Variants in PTPRN2 observed in about 807,000 individuals in gnomAD.
The protein encoded by PTPRN2 is receptor-type tyrosine-protein phosphatase N2.
In PTPRN2, 74 loss-of-function variants were observed where a neutral mutation model predicts 118.8. The observed-to-expected ratio is 0.62, with a 90% CI of 0.52 to 0.76. The LOEUF is 0.76. Among genes scored for constraint, PTPRN2 ranks in the 30% least tolerant of loss-of-function variants. PTPRN2 has a pLI of 0.00. For missense variants in PTPRN2, 1,481 were observed against 1,394.4 expected, an observed-to-expected ratio of 1.06 and a Z score of -0.99; for synonymous variants, 641 against 608.0, an observed-to-expected ratio of 1.05 and a Z score of -0.80.
chr7:157,656,289 G>C, intron 14 of PTPRN2, 68 bp downstream of exon 14: 1 of 1,439,266 alleles, frequency 6.9e-7, no homozygotes, highest in Non-Finnish European at 9.4e-7. Flanking sequence ...CAGATGCTGG[G>C]TGTTGCAGGG....
chr7:157,888,561 A>G (rs1000555920), intron 12 of PTPRN2, among the ~76,000 whole-genome samples: 1 of 30,158 alleles, frequency 3.3e-5, no homozygotes, highest in African/African-American at 1.4e-4. Context: ...CCCACCCCCC[A>G]ACATCCAATG....
At chr7:158,284,213 C>T (rs1460256555) in intron 3 of PTPRN2, among the ~76,000 whole-genome samples, 2 of 152,188 alleles carry the variant, frequency 1.3e-5, no homozygotes, top group African/African-American at 2.4e-5. Flanking sequence ...GTATTGGCAG[C>T]GTCCTACATT....
At chr7:157,924,341 G>A (rs1284984639) in intron 11 of PTPRN2, among the ~76,000 whole-genome samples, 1 of 152,170 alleles carries the variant, frequency 6.6e-6, no homozygotes, top group Non-Finnish European at 1.5e-5. Flanking sequence ...AGCTGAGGAC[G>A]CCCCCTCTGA....
chr7:157,724,784 G>C (rs1413067949), intron 12 of PTPRN2, among the ~76,000 whole-genome samples: 1 of 152,218 alleles, frequency 6.6e-6, no homozygotes, highest in Non-Finnish European at 1.5e-5. Context: ...TCACACCACT[G>C]TAAAGTGAGA....
In PTPRN2 at chr7:158,570,580, C is replaced by A. The variant is rs2092331823; in HGVS notation, c.112+16978G>T. ...GCCTCTCCCTGTGTCCTCCGTGCCC[C>A]CCGAGTGGCCTGCTAGCCCGCTCTC... On this transcript the variant is annotated intron_variant, in intron 1 of 22. Coordinates refer to ENST00000389418, the MANE Select transcript of PTPRN2 (RefSeq NM_002847.5). The surrounding 1 kb of genome is among the most constrained non-coding windows in gnomAD (Gnocchi z 4.5). 6.6e-6 allele frequency among the ~76,000 whole-genome samples: 1 copy of A among 152,196 alleles called. No homozygotes were observed. The highest frequency in any genetic ancestry group is 1.5e-5 in the Non-Finnish European group (1 of 68,032).
intron 1 of PTPRN2, among the ~76,000 whole-genome samples, chr7:158,528,907 C>T (rs999651402): frequency 6.6e-6 from 1 of 152,066 alleles, no homozygotes; most frequent in Non-Finnish European, 1.5e-5. Flanking sequence ...GAAGACACAA[C>T]ATTTCCTACA....
chr7:158,334,731 T>A (rs1805258769), intron 2 of PTPRN2, among the ~76,000 whole-genome samples: 1 of 31,786 alleles, frequency 3.1e-5, no homozygotes, highest in Non-Finnish European at 6.6e-5. Context: ...ACACCCACAC[T>A]CTCACCATAA....
Position 158,239,213 on chromosome 7 carries a change from C to T in PTPRN2, c.278-33940G>A, listed in dbSNP as rs186693733. 7.4e-4 allele frequency among the ~76,000 whole-genome samples: 113 copies of T among 152,324 alleles called. 1 individual carries two copies. Among genetic ancestry groups the T allele is most frequent in the African/African-American group, 2.3e-3 (97 of 41,580 alleles). On this transcript the variant is annotated intron_variant, in intron 3 of 22. Transcript: ENST00000389418. ...AAACAGCAGGATGGTGCAGAAACCTCAGGAGGGTAAAACCCGTCAGCTATT... is the reference window on the plus strand; with the variant it reads ...AAACAGCAGGATGGTGCAGAAACCTTAGGAGGGTAAAACCCGTCAGCTATT...
At chr7:157,626,552 C>G (rs185687398) in intron 14 of PTPRN2, among the ~76,000 whole-genome samples, 19 of 152,230 alleles carry the variant, frequency 1.2e-4, no homozygotes, top group East Asian at 3.9e-4. Context: ...ACCCACCCCC[C>G]ACATCAAACA....
At chr7:158,166,810 G>A (rs1027906392) in intron 6 of PTPRN2, 121 bp downstream of exon 6, 55 of 1,250,172 alleles carry the variant, frequency 4.4e-5, no homozygotes, top group African/African-American at 7.6e-5. Context: ...CCTGCCACGC[G>A]TCCTCGGGGG....
At chr7:157,728,105 G>T (rs983275446) in intron 12 of PTPRN2, among the ~76,000 whole-genome samples, 1 of 152,150 alleles carries the variant, frequency 6.6e-6, no homozygotes, top group Non-Finnish European at 1.5e-5. Flanking sequence ...CCCAGCGAGG[G>T]TCTGGCAAGG....
intron 6 of PTPRN2, among the ~76,000 whole-genome samples, chr7:158,153,874 G>C (rs1398910619): frequency 7.3e-6 from 1 of 137,590 alleles, no homozygotes. Flanking sequence ...GGCTGGTGGG[G>C]AGGAGGGGGC....
chr7:157,913,259 TTC>T (rs1798199271), intron 11 of PTPRN2, among the ~76,000 whole-genome samples: 2 of 152,250 alleles, frequency 1.3e-5, no homozygotes, highest in Non-Finnish European at 2.9e-5. Context: ...TTTGCATGAT[TTC>T]ATATACAGCA....
At position 158,479,828 on chromosome 7, in the gene PTPRN2, C is replaced by T. The variant is rs74446227; in HGVS notation, c.163+9907G>A. Among the ~76,000 whole-genome samples, 556 of 152,330 alleles carry T rather than the reference C, an allele frequency of 3.6e-3. 15 individuals carry two copies. The South Asian group carries it at 0.051, about 14-fold the overall frequency. On this transcript the variant is annotated intron_variant, in intron 2 of 22. Transcript: ENST00000389418. ...TTCTCGGAGAGCTCACAGGGTACTA[C>T]GGGGTGGCGGGCGCAAGCCAGCTCT...
At chr7:157,760,182 G>C (rs575703087) in intron 12 of PTPRN2, among the ~76,000 whole-genome samples, 1 of 152,150 alleles carries the variant, frequency 6.6e-6, no homozygotes, top group Non-Finnish European at 1.5e-5. Flanking sequence ...CATCCCCCAC[G>C]TGGTGATCAG....
At position 157,598,720 on chromosome 7, in the gene PTPRN2, C is replaced by T. The variant is rs530057100; in HGVS notation, c.2419-3405G>A. 5.3e-5 allele frequency among the ~76,000 whole-genome samples: 8 copies of T among 152,338 alleles called. No individual in the cohort carries two copies. Among genetic ancestry groups the T allele is most frequent in the African/African-American group, 9.6e-5 (4 of 41,594 alleles). ...GAACGCCAAGCTGTCAGGCGGTCTGCGGCCCGTGAACACGCGTCCATGCTG... is the reference window on the plus strand; with the variant it reads ...GAACGCCAAGCTGTCAGGCGGTCTGTGGCCCGTGAACACGCGTCCATGCTG... On this transcript the variant is annotated intron_variant, in intron 16 of 22. Transcript: ENST00000389418. The surrounding 1 kb of genome is among the most constrained non-coding windows in gnomAD (Gnocchi z 5.2).
At chr7:158,038,294 C>A (rs943007563) in intron 11 of PTPRN2, among the ~76,000 whole-genome samples, 5 of 152,160 alleles carry the variant, frequency 3.3e-5, no homozygotes, top group Non-Finnish European at 7.3e-5. Context: ...ACATACACTG[C>A]AGGAGAAAGG....
intron 2 of PTPRN2, among the ~76,000 whole-genome samples, chr7:158,454,924 C>T (rs557884193): frequency 1.3e-5 from 2 of 152,292 alleles, no homozygotes; most frequent in East Asian, 1.9e-4. Flanking sequence ...AGCGACCCCC[C>T]GGGGGCCCCT....
intron 16 of PTPRN2, among the ~76,000 whole-genome samples, chr7:157,601,690 G>A (rs753812530): frequency 3.3e-5 from 5 of 152,242 alleles, no homozygotes; most frequent in African/African-American, 7.2e-5. Context: ...TGCTGCCCAC[G>A]CTGGGGCTTG....
Sources: gnomAD v4.1 joint callset for allele counts (sites outside exome capture counted in the v4.1 genomes callset) on GRCh38, gnomAD v4.1.1 for gene constraint, Gnocchi (gnomAD v3.1) non-coding constraint, MANE v1.5 for transcripts, NCBI Gene and HGNC (gene_info 2026-07-23, HGNC 2026-07-21) for gene names.